Variants in HS6ST2 observed in about 807,000 individuals in gnomAD.
The protein encoded by HS6ST2 is heparan-sulfate 6-O-sulfotransferase 2.
HS6ST2 carries 17 observed loss-of-function variants against 33.0 expected under a neutral mutation model. The ratio of observed to expected loss-of-function variants is 0.52; its 90% confidence interval spans 0.35 to 0.77. The LOEUF (loss-of-function observed/expected upper bound fraction) is 0.77, where lower values mean the gene tolerates loss of function less well. Ranked by LOEUF, HS6ST2 falls within the 30% of genes least tolerant of loss-of-function variation. The probability of loss-of-function intolerance (pLI) is 0.01; values close to 1 mark genes in which losing one functional copy is unlikely to be tolerated. For synonymous variants in HS6ST2, 248 were observed against 237.1 expected (o/e 1.05, Z -0.42); for missense variants, 519 against 551.7 (o/e 0.94, Z 0.59).
At chrX:132,940,073 CTG>C (rs1162833989) in intron 2 of HS6ST2, among the ~76,000 whole-genome samples, 5 of 112,297 alleles carry the variant, frequency 4.5e-5, no homozygotes, top group Non-Finnish European at 9.4e-5. Flanking sequence ...GTAGTCAAGA[CTG>C]TGTGTCACTT....
At chrX:132,772,827 T>G (rs1275429017) in intron 2 of HS6ST2, among the ~76,000 whole-genome samples, 1 of 90,341 alleles carries the variant, frequency 1.1e-5, no homozygotes, top group Non-Finnish European at 2.0e-5. Context: ...ATATTATATA[T>G]TCTATAATAT....
Position 132,628,619 on chromosome X carries a change from T to C in HS6ST2, c.1542A>G (p.Gln514=), listed in dbSNP as rs1167444643. ...ASSVEINEEI[Q]KRIEGLNFLD... ...GAAAATTCAGTCCCTCAATACGCTT[T>C]TGAATTTCCTCATTGATCTCTACAC... Residue 514 remains glutamine (Q), a synonymous_variant, in exon 5 of 5, where the codon CAA becomes CAG. Transcript: ENST00000370833. 4 of 1,209,246 alleles carry C rather than the reference T, an allele frequency of 3.3e-6. No homozygotes were observed. The highest frequency in any genetic ancestry group is 4.5e-6 in the Non-Finnish European group (4 of 894,935).
intron 2 of HS6ST2, among the ~76,000 whole-genome samples, chrX:132,908,795 A>G (rs1169625384): frequency 9.1e-6 from 1 of 110,445 alleles, no homozygotes; most frequent in African/African-American, 3.3e-5. Context: ...TCTAAAATTG[A>G]TTGTGGTTTT....
intron 2 of HS6ST2, among the ~76,000 whole-genome samples, chrX:132,866,946 C>T: frequency 9.7e-6 from 1 of 102,952 alleles, no homozygotes; most frequent in South Asian, 4.6e-4. Flanking sequence ...TTGACTTCCT[C>T]TTTTCCTAAT....
intron 2 of HS6ST2, among the ~76,000 whole-genome samples, chrX:132,839,272 G>GTGTATGTA (rs1322487756): frequency 1.6e-5 from 1 of 62,795 alleles, no homozygotes; most frequent in Non-Finnish European, 2.9e-5. Context: ...TGTAGTGTGT[G>GTGTATGTA]TATATATATA....
At chrX:132,879,913 C>T (rs2066148361) in intron 2 of HS6ST2, among the ~76,000 whole-genome samples, 1 of 111,501 alleles carries the variant, frequency 9.0e-6, no homozygotes, top group Admixed American at 9.6e-5. Flanking sequence ...CACTATTCCT[C>T]CCCTGGCACA....
At chrX:132,788,731 C>A (rs1237161495) in intron 2 of HS6ST2, among the ~76,000 whole-genome samples, 2 of 112,717 alleles carry the variant, frequency 1.8e-5, no homozygotes, top group Non-Finnish European at 3.7e-5. Flanking sequence ...TTAAAAGTGC[C>A]ACTCTGGTGA....
At chrX:132,845,830 T>C (rs1439886488) in intron 2 of HS6ST2, among the ~76,000 whole-genome samples, 2 of 111,548 alleles carry the variant, frequency 1.8e-5, no homozygotes, top group Non-Finnish European at 3.8e-5. Context: ...AAATACGTTA[T>C]TCATAAGAAG....
At position 132,855,230 on chromosome X, in the gene HS6ST2, G is replaced by A. The variant is rs1258648945; in HGVS notation, c.947+101578C>T. Among the ~76,000 whole-genome samples, 4 of 111,701 alleles carry A rather than the reference G, an allele frequency of 3.6e-5. No homozygotes were observed. The Admixed American group carries it at 3.8e-4, about 11-fold the overall frequency. On this transcript the variant is annotated intron_variant, in intron 2 of 4. Transcript: ENST00000370833. ...TCCAGCACTCACAATGATTATAAGA[G>A]CCATCATTTGTTGAGGTTCTACCAT... is the stretch of plus-strand genomic sequence containing the variant.
chrX:132,772,404 A>T (rs2064909036), intron 2 of HS6ST2, among the ~76,000 whole-genome samples: 1 of 110,062 alleles, frequency 9.1e-6, no homozygotes, highest in African/African-American at 3.3e-5. Context: ...AAATAAAACA[A>T]CAACACATCA....
rs2063479069 is a variant in HS6ST2, at chrX:132,626,018, A to T, written c.*2205T>A. The T allele has an allele frequency of 8.9e-6, 1 of 112,890 alleles. No homozygotes were observed. Among genetic ancestry groups the T allele is most frequent in the South Asian group, 3.6e-4 (1 of 2,751 alleles). 9.3% of individuals were successfully genotyped at this position (112,890 alleles called of 1,213,427 possible). On this transcript the variant is annotated 3_prime_UTR_variant, in exon 5 of 5. Coordinates refer to ENST00000370833, the MANE Select transcript of HS6ST2 (RefSeq NM_001394073.1). The stretch of plus-strand genomic sequence containing the variant: ...AATTATGAGATTACTCAGAGCCTGT[A>T]ATTTAAACTTTATTTCATATCTATT...
rs559778693 is a variant in HS6ST2 at position 132,815,943 on chromosome X, A to G, written c.948-107449T>C. Among the ~76,000 whole-genome samples the G allele has an allele frequency of 6.3e-5, 7 of 111,988 alleles. No homozygotes were observed. The South Asian group carries it at 2.3e-3, about 36-fold the overall frequency. On this transcript the variant is annotated intron_variant, in intron 2 of 4. Coordinates refer to ENST00000370833, the MANE Select transcript of HS6ST2 (RefSeq NM_001394073.1). Reference sequence around the variant, plus strand: ...GTGATGGTTTCACAACTCTTTGACTATACCAAAAATCACTGAACTGTACAT... The same window carrying G: ...GTGATGGTTTCACAACTCTTTGACTGTACCAAAAATCACTGAACTGTACAT...
chrX:132,674,496 C>T (rs1257171736), intron 3 of HS6ST2, among the ~76,000 whole-genome samples: 1 of 111,768 alleles, frequency 8.9e-6, no homozygotes, highest in Non-Finnish European at 1.9e-5. Context: ...ATTCCATTAA[C>T]TTTTCACTCT....
intron 4 of HS6ST2, among the ~76,000 whole-genome samples, chrX:132,640,673 C>A (rs1400976580): frequency 1.8e-5 from 2 of 111,295 alleles, no homozygotes; most frequent in Non-Finnish European, 3.8e-5. Context: ...AGTTTTCAAG[C>A]ATACTAAGAT....
intron 2 of HS6ST2, among the ~76,000 whole-genome samples, chrX:132,865,998 T>C (rs1179161015): frequency 8.9e-6 from 1 of 112,093 alleles, no homozygotes; most frequent in East Asian, 2.8e-4. Context: ...ATCCCATTTG[T>C]CAATTTTGGC....
At position 132,957,105 on chromosome X, in the gene HS6ST2, C is replaced by T. The variant is rs911551623; in HGVS notation, c.650G>A (p.Arg217His). ...GCCCTTGATGTCGAAGTCTACCTTGCGCAGGAGGTCGCCGCGGGTGAAATT... is the reference window on the plus strand; with the variant it reads ...GCCCTTGATGTCGAAGTCTACCTTGTGCAGGAGGTCGCCGCGGGTGAAATT... ...RYNFTRGDLL[R>H]KVDFDIKGDD... Residue 217 changes from arginine to histidine, a missense_variant, in exon 2 of 5, where the codon CGC (arginine) becomes CAC (histidine). By Grantham distance (29) the Arg-to-His change is conservative (BLOSUM62 0). Coordinates refer to ENST00000370833, the MANE Select transcript of HS6ST2 (RefSeq NM_001394073.1). 1 of 1,209,899 alleles carries T rather than the reference C, an allele frequency of 8.3e-7. No individual in the cohort carries two copies. Among genetic ancestry groups the T allele is most frequent in the Non-Finnish European group, 1.1e-6 (1 of 895,143 alleles).
chrX:132,821,864 G>A (rs752485195), intron 2 of HS6ST2, among the ~76,000 whole-genome samples: 7 of 110,633 alleles, frequency 6.3e-5, no homozygotes, highest in East Asian at 2.9e-4. Flanking sequence ...GGTGGCATGC[G>A]CCTGTAATCC....
chrX:132,803,156 C>T (rs1488534151), intron 2 of HS6ST2, among the ~76,000 whole-genome samples: 1 of 111,720 alleles, frequency 9.0e-6, no homozygotes, highest in Non-Finnish European at 1.9e-5. Context: ...AGCTTCTCTC[C>T]TTTGTTTGCC....
chrX:132,957,178 G>C lies in HS6ST2; in HGVS notation c.577C>G (p.Pro193Ala). ...GAGCTCTCATCCTCCGAGCGGTACG[G>C]GTCCGGCACCGGGGAGCTGAACGCC... ...LQAFSSPVPD[P>A]YRSEDESSAR... is the part of the protein sequence containing the mutation. Residue 193 changes from proline (P) to alanine (A), a missense_variant, in exon 2 of 5, where the codon CCG (proline) becomes GCG (alanine). Coordinates refer to ENST00000370833, the MANE Select transcript of HS6ST2 (RefSeq NM_001394073.1). 1.7e-6 allele frequency: 2 copies of C among 1,211,908 alleles called. No homozygotes were observed. Among genetic ancestry groups the C allele is most frequent in the Non-Finnish European group, 2.2e-6 (2 of 895,427 alleles).
Sources: allele counts gnomAD v4.1 joint callset (sites outside exome capture counted in the v4.1 genomes callset), GRCh38; gene constraint gnomAD v4.1.1; transcripts MANE v1.5; gene names NCBI Gene and HGNC (gene_info 2026-07-23, HGNC 2026-07-21).